Variants in IMPA2 observed in about 807,000 individuals in gnomAD.
IMPA2 encodes the protein IMP 2.
Under a neutral mutation model 35.1 loss-of-function variants are expected in IMPA2, and 32 were observed. The ratio of observed to expected loss-of-function variants is 0.91; its 90% CI spans 0.69 to 1.23. IMPA2 has a LOEUF of 1.23. Among genes scored for constraint, IMPA2 ranks in the 50% most tolerant of loss-of-function variants. The pLI is 0.00. For synonymous variants in IMPA2, 135 were observed against 160.6 expected, an observed-to-expected ratio of 0.84 and a Z score of 1.20; for missense variants, 334 against 387.6, an observed-to-expected ratio of 0.86 and a Z score of 1.16.
chr18:12,019,559 C>T (rs541911710), intron 5 of IMPA2, among the ~76,000 whole-genome samples: 15 of 151,976 alleles, frequency 9.9e-5, no homozygotes, highest in South Asian at 4.1e-4. Flanking sequence ...TGAGCCACCG[C>T]GCCTGGCCAA....
At chr18:12,006,516 C>G (rs1459583556) in intron 2 of IMPA2, among the ~76,000 whole-genome samples, 2 of 152,356 alleles carry the variant, frequency 1.3e-5, no homozygotes, top group East Asian at 3.9e-4. Flanking sequence ...TGCCCAGGCT[C>G]TCCAGGAACA....
At chr18:12,029,114 T>TG (rs1397770560) in intron 7 of IMPA2, 121 bp downstream of exon 7, 4 of 836,238 alleles carry the variant, frequency 4.8e-6, no homozygotes, top group Non-Finnish European at 6.9e-6. Context: ...TTCTGTTTTT[T>TG]TTTTTTTTTT....
At chr18:12,004,117 C>T (rs1907189933) in intron 2 of IMPA2, among the ~76,000 whole-genome samples, 1 of 152,190 alleles carries the variant, frequency 6.6e-6, no homozygotes, top group South Asian at 2.1e-4. Context: ...AAACATGCTC[C>T]CAGCCACCAC....
At position 12,030,462 on chromosome 18, in the gene IMPA2, C is replaced by T. The variant is rs372742096; in HGVS notation, c.*4C>T. 26 of 1,611,260 alleles carry T rather than the reference C, an allele frequency of 1.6e-5. No individual in the cohort carries two copies. The East Asian group carries it at 2.0e-4, about 12-fold the overall frequency. On this transcript the variant is annotated 3_prime_UTR_variant, in exon 8 of 8. Coordinates refer to ENST00000269159, the MANE Select transcript of IMPA2 (RefSeq NM_014214.3). The stretch of plus-strand genomic sequence containing the variant: ...TGGGCGGGATGATGAGAAGTGACTG[C>T]GGCTGAGGCAAAGCTGCTCCCAAGG...
At chr18:11,983,318 C>T (rs369319950) in intron 1 of IMPA2, among the ~76,000 whole-genome samples, 2 of 152,196 alleles carry the variant, frequency 1.3e-5, no homozygotes, top group South Asian at 2.1e-4. Context: ...CCCAGCTTTC[C>T]TTCCAGAGCA....
intron 2 of IMPA2, among the ~76,000 whole-genome samples, chr18:12,003,051 T>C (rs1907155913): frequency 1.3e-5 from 2 of 151,552 alleles, no homozygotes; most frequent in Non-Finnish European, 2.9e-5. Flanking sequence ...AAAAATTAGC[T>C]GGGCATGGTA....
At chr18:12,012,055 C>A (rs188661609) in intron 3 of IMPA2, 115 bp from the exon 4 acceptor site, 153 of 836,780 alleles carry the variant, frequency 1.8e-4, no homozygotes, top group Admixed American at 1.8e-4. Context: ...AAACAACCAA[C>A]CCACCCAGAG....
At chr18:12,015,109 G>A (rs1267551210) in intron 5 of IMPA2, among the ~76,000 whole-genome samples, 1 of 152,194 alleles carries the variant, frequency 6.6e-6, no homozygotes, top group African/African-American at 2.4e-5. Context: ...CCTCAGACTA[G>A]CAGCAGCTGC....
intron 5 of IMPA2, among the ~76,000 whole-genome samples, chr18:12,024,787 G>A (rs1417115625): frequency 6.6e-6 from 1 of 151,122 alleles, no homozygotes. Flanking sequence ...ACGGTTTTAG[G>A]TTCACAGCAA....
intron 2 of IMPA2, among the ~76,000 whole-genome samples, chr18:12,008,132 A>C (rs1211609561): frequency 6.6e-6 from 1 of 151,960 alleles, no homozygotes; most frequent in Non-Finnish European, 1.5e-5. Flanking sequence ...AGTAGCTGGG[A>C]GTACAGGCGC....
chr18:11,987,039 A>C (rs1906686608), intron 1 of IMPA2, among the ~76,000 whole-genome samples: 1 of 152,174 alleles, frequency 6.6e-6, no homozygotes, highest in East Asian at 1.9e-4. Flanking sequence ...CCATCTTCCC[A>C]GCAGGATTTT....
rs1217226424 is a variant in IMPA2 at position 12,022,572 on chromosome 18, C to T, written c.491-5471C>T. On this transcript the variant is annotated intron_variant, in intron 5 of 7. Coordinates refer to ENST00000269159, the MANE Select transcript of IMPA2 (RefSeq NM_014214.3). ...ATATATATATTTGTGTGTGTGTGTG[C>T]GTTTAAGACCTAAGATATGGTAAAT... 1.1e-3 allele frequency among the ~76,000 whole-genome samples: 119 copies of T among 103,746 alleles called. 1 individual carries two copies. The highest frequency in any genetic ancestry group is 3.4e-3 in the African/African-American group (108 of 31,766). The allele number at this position is 103,746 out of a possible 152,430, so 68.1% of individuals were successfully genotyped here.
chr18:12,000,354 T>C (rs867224458), intron 2 of IMPA2, among the ~76,000 whole-genome samples: 2,457 of 133,090 alleles, frequency 0.018, 63 homozygotes, highest in African/African-American at 0.069. Flanking sequence ...TTTTTTTTTT[T>C]CTGTGAATGA....
At chr18:12,016,203 A>G (rs1241206893) in intron 5 of IMPA2, among the ~76,000 whole-genome samples, 2 of 152,224 alleles carry the variant, frequency 1.3e-5, no homozygotes, top group East Asian at 1.9e-4. Context: ...CTGTCTCACA[A>G]TGCTATAAAA....
At chr18:11,985,320 C>T (rs1174686372) in intron 1 of IMPA2, among the ~76,000 whole-genome samples, 5 of 152,144 alleles carry the variant, frequency 3.3e-5, no homozygotes, top group Admixed American at 3.3e-4. Flanking sequence ...TCTCATACTT[C>T]CGTAATACTT....
At chr18:12,028,769 G>A in intron 6 of IMPA2, 73 bp from the exon 7 acceptor site, 1 of 1,512,272 alleles carries the variant, frequency 6.6e-7, no homozygotes, top group Admixed American at 2.0e-5. Context: ...GGGGTACCTG[G>A]CTGAAGTCGG....
intron 2 of IMPA2, chr18:12,008,680 A>G (rs1349985761): frequency 2.5e-6 from 1 of 406,270 alleles, no homozygotes; most frequent in Non-Finnish European, 5.0e-6. Context: ...GTGACAGTGC[A>G]TGGGGCGAGA....
At chr18:11,993,138 C>T (rs1057377069) in intron 1 of IMPA2, among the ~76,000 whole-genome samples, 2 of 152,130 alleles carry the variant, frequency 1.3e-5, no homozygotes, top group Admixed American at 1.3e-4. Context: ...TCATACAATA[C>T]CTCATGTGAT....
At position 12,022,528 on chromosome 18, in the gene IMPA2, A is replaced by AAAATATATATATATAT. The variant is rs68185380; in HGVS notation, c.491-5514_491-5513insAATATATATATATATA. ...CAGAATGGGGCTCCATCTCAAAAAG[A>AAAATATATATATATAT]ATATATATATATATATATATATATA... On this transcript the variant is annotated intron_variant, in intron 5 of 7. Transcript: ENST00000269159. 2.1e-3 allele frequency among the ~76,000 whole-genome samples: 200 copies of AAAATATATATATATAT among 96,804 alleles called. 3 individuals are homozygous for AAAATATATATATATAT. Among genetic ancestry groups the AAAATATATATATATAT allele is most frequent in the African/African-American group, 7.9e-3 (184 of 23,154 alleles). The allele number at this position is 96,804 out of a possible 152,430, so 63.5% of individuals were successfully genotyped here. A position where few individuals can be genotyped will look rare whatever the true frequency, so the allele number is the denominator to read the frequency against.
Sources: allele counts gnomAD v4.1 joint callset (sites outside exome capture counted in the v4.1 genomes callset), GRCh38; gene constraint gnomAD v4.1.1; transcripts MANE v1.5; gene names NCBI Gene and HGNC (gene_info 2026-07-23, HGNC 2026-07-21).